The following FAM168A variants were observed in gnomAD, a reference collection of about 807,000 sequenced individuals.
The protein encoded by FAM168A is protein FAM168A.
Under a neutral mutation model 28.5 loss-of-function variants are expected in FAM168A, and 3 were observed. The observed-to-expected ratio is 0.11, with a 90% CI of 0.05 to 0.27. The LOEUF is 0.27. Among genes scored for constraint, FAM168A ranks in the 10% least tolerant of loss-of-function variants. The pLI is 1.00. For synonymous variants in FAM168A, 122 were observed against 124.2 expected (o/e 0.98, Z 0.12); for missense variants, 222 against 311.5 (o/e 0.71, Z 2.16).
At chr11:73,482,206 T>TTA (rs1555025852) in intron 1 of FAM168A, among the ~76,000 whole-genome samples, 1 of 139,188 alleles carries the variant, frequency 7.2e-6, no homozygotes, top group Admixed American at 7.0e-5. Flanking sequence ...TTTTTTTTTT[T>TTA]AAAGGGGGAG....
At chr11:73,467,582 T>G (rs181456579) in intron 2 of FAM168A, among the ~76,000 whole-genome samples, 1 of 152,176 alleles carries the variant, frequency 6.6e-6, no homozygotes. Flanking sequence ...AATAGATAAA[T>G]GCAACTGTTC....
intron 1 of FAM168A, among the ~76,000 whole-genome samples, chr11:73,499,142 G>T (rs1854950738): frequency 6.6e-6 from 1 of 152,160 alleles, no homozygotes; most frequent in Non-Finnish European, 1.5e-5. Context: ...GGTCCCAGAA[G>T]AAGGAGCAGG....
intron 1 of FAM168A, among the ~76,000 whole-genome samples, chr11:73,529,790 T>TTTC (rs772614994): frequency 2.1e-5 from 3 of 142,772 alleles, no homozygotes; most frequent in Non-Finnish European, 4.5e-5. Flanking sequence ...CAAACAACTT[T>TTTC]TTCTTCTTTT....
At chr11:73,579,409 C>G (rs572853956) in intron 1 of FAM168A, among the ~76,000 whole-genome samples, 5 of 152,194 alleles carry the variant, frequency 3.3e-5, no homozygotes, top group African/African-American at 1.2e-4. Flanking sequence ...AATTCTCCAC[C>G]TAATAGATGG....
rs1169167734 is a variant in FAM168A at position 73,407,612 on chromosome 11, C to T, written c.627G>A (p.Ala209=). ...GTLLTTPQHT[A]IGAHPVSMPT... ...GCATGGAGACAGGGTGTGCCCCAAT[C>T]GCCGTGTGCTGGGGTGTAGTCAGCA... Residue 209 remains alanine, a synonymous_variant, in exon 7 of 8, where the codon GCG becomes GCA. Coordinates refer to ENST00000356467, the MANE Select transcript of FAM168A (RefSeq NM_015159.3). 2.5e-6 allele frequency: 4 copies of T among 1,610,658 alleles called. No homozygotes were observed. Among genetic ancestry groups the T allele is most frequent in the Admixed American group, 1.7e-5 (1 of 59,360 alleles).
intron 1 of FAM168A, among the ~76,000 whole-genome samples, chr11:73,552,567 A>G (rs938107123): frequency 6.6e-6 from 1 of 152,238 alleles, no homozygotes; most frequent in Non-Finnish European, 1.5e-5. Flanking sequence ...AGTGAACTAC[A>G]GTTTCTTTAT....
intron 4 of FAM168A, among the ~76,000 whole-genome samples, chr11:73,415,308 C>G (rs1291891693): frequency 6.6e-6 from 1 of 152,222 alleles, no homozygotes; most frequent in African/African-American, 2.4e-5. Context: ...CCAACGTAAA[C>G]ATTTCACAGA....
chr11:73,475,499 G>A (rs1304290518), intron 1 of FAM168A, among the ~76,000 whole-genome samples: 2 of 152,110 alleles, frequency 1.3e-5, no homozygotes, highest in African/African-American at 4.8e-5. Context: ...TTGCCCAAAA[G>A]AGGATATGGT....
chr11:73,592,757 C>CA (rs1045851119), intron 1 of FAM168A, among the ~76,000 whole-genome samples: 2 of 151,674 alleles, frequency 1.3e-5, no homozygotes, highest in African/African-American at 4.8e-5. Context: ...ATATTTTCTA[C>CA]AAAAAGCATT....
chr11:73,484,008 G>A (rs1175116317), intron 1 of FAM168A, among the ~76,000 whole-genome samples: 1 of 152,164 alleles, frequency 6.6e-6, no homozygotes, highest in African/African-American at 2.4e-5. Flanking sequence ...CAGAAAGAAT[G>A]TCTTTTGAAC....
In FAM168A at chr11:73,403,145, G is replaced by A. The variant is rs772047497; in HGVS notation, c.*3618C>T. The A allele has an allele frequency of 2.0e-5, 3 of 152,228 alleles. No individual in the cohort carries two copies. The highest frequency in any genetic ancestry group is 6.5e-5 in the Admixed American group (1 of 15,282). 9.4% of individuals were successfully genotyped at this position (152,228 alleles called of 1,614,324 possible). A position where few individuals can be genotyped will look rare whatever the true frequency, so the allele number is the denominator to read the frequency against. ...GCTCTGGACAGGTGTGTGTGTCTCTGCTAAATATTCAGGAAAGAGGATATA... is the reference window on the plus strand; with the variant it reads ...GCTCTGGACAGGTGTGTGTGTCTCTACTAAATATTCAGGAAAGAGGATATA... On this transcript the variant is annotated 3_prime_UTR_variant, in exon 8 of 8. Coordinates refer to ENST00000356467, the MANE Select transcript of FAM168A (RefSeq NM_015159.3).
chr11:73,592,084 C>G (rs1381183262), intron 1 of FAM168A, among the ~76,000 whole-genome samples: 1 of 152,126 alleles, frequency 6.6e-6, no homozygotes. Flanking sequence ...GATCAGAAGG[C>G]AAATCAAGAT....
At chr11:73,411,281 C>G in intron 5 of FAM168A, 113 bp downstream of exon 5, 2 of 1,239,860 alleles carry the variant, frequency 1.6e-6, no homozygotes, top group Non-Finnish European at 2.2e-6. Context: ...GACGGCTAGC[C>G]AGAGCCACAA....
intron 2 of FAM168A, among the ~76,000 whole-genome samples, chr11:73,454,581 T>G (rs980928336): frequency 2.0e-5 from 3 of 152,112 alleles, no homozygotes; most frequent in Non-Finnish European, 4.4e-5. Context: ...CCAAAAAGCC[T>G]GAAACCGCGG....
At chr11:73,513,505 G>A (rs913105874) in intron 1 of FAM168A, among the ~76,000 whole-genome samples, 7 of 151,594 alleles carry the variant, frequency 4.6e-5, no homozygotes, top group South Asian at 2.1e-4. Flanking sequence ...CATGAGCACC[G>A]CGCCCCACCC....
intron 1 of FAM168A, among the ~76,000 whole-genome samples, chr11:73,549,509 T>C (rs1370258652): frequency 6.6e-6 from 1 of 152,204 alleles, no homozygotes; most frequent in Non-Finnish European, 1.5e-5. Context: ...AACATTTCCA[T>C]CACTGCAGAA....
intron 1 of FAM168A, among the ~76,000 whole-genome samples, chr11:73,572,649 T>G (rs1944117151): frequency 6.7e-6 from 1 of 149,678 alleles, no homozygotes; most frequent in South Asian, 2.1e-4. Flanking sequence ...GTGCAAGATG[T>G]GCTTTGTTAA....
At chr11:73,558,102 T>C (rs1419101345) in intron 1 of FAM168A, among the ~76,000 whole-genome samples, 44 of 152,158 alleles carry the variant, frequency 2.9e-4, no homozygotes, top group Admixed American at 2.9e-3. Flanking sequence ...GATTCTGAAC[T>C]ATGACAACAA....
chr11:73,550,839 T>C (rs1943819220), intron 1 of FAM168A, among the ~76,000 whole-genome samples: 1 of 152,010 alleles, frequency 6.6e-6, no homozygotes, highest in African/African-American at 2.4e-5. Flanking sequence ...CCAGGCATGA[T>C]GGCTCATGCC....
Sources: gnomAD v4.1 joint callset for allele counts (sites outside exome capture counted in the v4.1 genomes callset) on GRCh38, gnomAD v4.1.1 for gene constraint, MANE v1.5 for transcripts, NCBI Gene and HGNC (gene_info 2026-07-23, HGNC 2026-07-21) for gene names.